Variants in NAV2 observed in about 807,000 individuals in gnomAD.
NAV2 encodes helicase, APC down-regulated 1.
NAV2 carries 54 observed loss-of-function variants against 223.2 expected under a neutral mutation model. That is an observed-to-expected ratio of 0.24 (90% CI 0.19 to 0.30). The LOEUF is 0.30. NAV2 is among the 10% of genes least tolerant of loss of function. The pLI, the probability that NAV2 is intolerant of heterozygous loss-of-function variation, is 1.00. For missense variants in NAV2, 2,806 were observed against 3,147.5 expected, an observed-to-expected ratio of 0.89 and a Z score of 2.60; for synonymous variants, 1,279 against 1,239.3, an observed-to-expected ratio of 1.03 and a Z score of -0.67.
chr11:19,885,571 G>A (rs1163388471), intron 5 of NAV2, among the ~76,000 whole-genome samples: 3 of 152,010 alleles, frequency 2.0e-5, no homozygotes, highest in African/African-American at 7.2e-5. Flanking sequence ...ATTGAGTATT[G>A]AGTCACCCTA....
chr11:19,845,474 T>C (rs2060751495), intron 3 of NAV2, among the ~76,000 whole-genome samples: 1 of 152,174 alleles, frequency 6.6e-6, no homozygotes, highest in African/African-American at 2.4e-5. Flanking sequence ...AGCATAGAGT[T>C]AATGCGGTCA....
At chr11:19,419,186 C>G (rs572341794) in intron 1 of NAV2, among the ~76,000 whole-genome samples, 4 of 152,262 alleles carry the variant, frequency 2.6e-5, no homozygotes, top group African/African-American at 9.6e-5. Context: ...AGTAGCTCAC[C>G]TTCTATGAAC....
intron 10 of NAV2, among the ~76,000 whole-genome samples, chr11:19,982,355 C>G (rs2050376706): frequency 6.6e-6 from 1 of 152,058 alleles, no homozygotes; most frequent in Admixed American, 6.6e-5. Flanking sequence ...GCAACCTCCA[C>G]CTCCCGGGTT....
intron 1 of NAV2, among the ~76,000 whole-genome samples, chr11:19,584,082 C>A (rs890357964): frequency 1.3e-5 from 2 of 152,130 alleles, no homozygotes; most frequent in African/African-American, 4.8e-5. Flanking sequence ...TTCAGAGATT[C>A]AACTTCTTCC....
chr11:20,004,879 G>C (rs1034957354), intron 11 of NAV2, among the ~76,000 whole-genome samples: 3 of 152,070 alleles, frequency 2.0e-5, no homozygotes, highest in African/African-American at 4.8e-5. Context: ...AAGAGCAAAG[G>C]CTCCAGAATA....
chr11:19,349,707 T>G (rs554123585), upstream of NAV2, among the ~76,000 whole-genome samples: 1 of 152,272 alleles, frequency 6.6e-6, no homozygotes, highest in Admixed American at 6.5e-5. Context: ...ATGCATGATC[T>G]TCCTAGGATC....
chr11:19,716,902 A>G (rs932232482), intron 1 of NAV2, among the ~76,000 whole-genome samples: 1 of 152,214 alleles, frequency 6.6e-6, no homozygotes, highest in South Asian at 2.1e-4. Flanking sequence ...GATAAATGTT[A>G]TTATCCCCAT....
Position 19,551,663 on chromosome 11 carries a change from G to C in NAV2, c.75+200636G>C, listed in dbSNP as rs938033925. Reference sequence around the variant, plus strand: ...CAGATGTCTTGTCAAAACAGAATAAGAAACTGTGAAGAAATAGTCTGTGAA... The same window carrying C: ...CAGATGTCTTGTCAAAACAGAATAACAAACTGTGAAGAAATAGTCTGTGAA... On this transcript the variant is annotated intron_variant, in intron 1 of 37. Coordinates refer to the NAV2 transcript ENST00000360655. 9.2e-5 allele frequency among the ~76,000 whole-genome samples: 14 copies of C among 152,328 alleles called. No homozygotes were observed. The East Asian group carries it at 2.5e-3, about 27-fold the overall frequency.
intron 1 of NAV2, among the ~76,000 whole-genome samples, chr11:19,570,818 A>G (rs1037437210): frequency 6.6e-6 from 1 of 152,218 alleles, no homozygotes. Flanking sequence ...GGAAATTAGA[A>G]CCTTCCTATA....
In NAV2 at chr11:20,045,435, G is replaced by T. The variant is rs775292259; in HGVS notation, c.3667G>T (p.Ala1223Ser). 4 of 1,614,054 alleles carry T rather than the reference G, an allele frequency of 2.5e-6. No individual in the cohort carries two copies. The African/African-American group carries it at 4.0e-5, about 16-fold the overall frequency. The change falls in exon 14 of 38, where the codon GCA (alanine) becomes TCA (serine). Residue 1223 changes from alanine to serine, a missense_variant. Physicochemically the swap from Ala to Ser is moderately conservative, Grantham distance 99. Transcript: ENST00000349880. ...SIDSNISSKS[A>S]GLPVPKLREP... ...AGATTCCAACATTAGCAGCAAGTCC[G>T]CAGGCCTGCCAGTGCCCAAACTGAG...
chr11:19,917,776 C>A (rs1321435908), intron 6 of NAV2, among the ~76,000 whole-genome samples: 2 of 152,180 alleles, frequency 1.3e-5, no homozygotes, highest in African/African-American at 2.4e-5. Flanking sequence ...CTACCCCTGG[C>A]TAATTTTGTA....
intron 1 of NAV2, among the ~76,000 whole-genome samples, chr11:19,681,817 T>A (rs1467733769): frequency 6.6e-6 from 1 of 152,212 alleles, no homozygotes; most frequent in Non-Finnish European, 1.5e-5. Flanking sequence ...CACTGAGACC[T>A]GTGGACACAT....
chr11:20,039,958 C>T (rs1375260097), intron 12 of NAV2, among the ~76,000 whole-genome samples: 2 of 152,148 alleles, frequency 1.3e-5, no homozygotes, highest in South Asian at 2.1e-4. Flanking sequence ...AGGAGGGGTG[C>T]CCCCTTCTGC....
chr11:20,075,212 T>G (rs113461335), intron 22 of NAV2, among the ~76,000 whole-genome samples: 8 of 130,584 alleles, frequency 6.1e-5, no homozygotes, highest in South Asian at 2.6e-4. Flanking sequence ...GTTTTTTGTT[T>G]TTTTGTTTTG....
intron 1 of NAV2, among the ~76,000 whole-genome samples, chr11:19,524,278 G>A (rs2043775666): frequency 6.6e-6 from 1 of 152,216 alleles, no homozygotes; most frequent in Non-Finnish European, 1.5e-5. Context: ...AGTATCTGCT[G>A]GTTGGGTTAT....
Position 20,083,197 on chromosome 11 carries a change from GTCAGATAACA to G in NAV2, c.5498+21_5498+30del, listed in dbSNP as rs1565020513. 3.1e-6 allele frequency: 5 copies of G among 1,604,024 alleles called. No homozygotes were observed. The highest frequency in any genetic ancestry group is 8.5e-7 in the Non-Finnish European group (1 of 1,174,628). ...AACTCTCTGTAAGTCTGTCTGTCTA[GTCAGATAACA>G]TCTTTGGCCCCTGAGAACCTTCTCC... On this transcript the variant is annotated intron_variant, in intron 26 of 37. Transcript: ENST00000349880.
intron 1 of NAV2, among the ~76,000 whole-genome samples, chr11:19,661,205 C>T (rs1158237057): frequency 6.6e-6 from 1 of 152,172 alleles, no homozygotes; most frequent in Non-Finnish European, 1.5e-5. Flanking sequence ...AGTGTTTTCT[C>T]TTTTGTGTCT....
chr11:19,421,577 T>C (rs770329701), intron 1 of NAV2, among the ~76,000 whole-genome samples: 1 of 152,154 alleles, frequency 6.6e-6, no homozygotes, highest in Non-Finnish European at 1.5e-5. Flanking sequence ...TTTTTAAAAA[T>C]TAGTTGATTT....
intron 6 of NAV2, among the ~76,000 whole-genome samples, chr11:19,930,315 T>TA (rs770834305): frequency 3.6e-4 from 55 of 152,022 alleles, no homozygotes; most frequent in East Asian, 1.5e-3. Context: ...TTGTTAGTGT[T>TA]AAAAAAAATA....
Sources: gnomAD v4.1 joint callset for allele counts (sites outside exome capture counted in the v4.1 genomes callset) on GRCh38, gnomAD v4.1.1 for gene constraint, MANE v1.5 for transcripts, NCBI Gene and HGNC (gene_info 2026-07-23, HGNC 2026-07-21) for gene names.